The following KHDRBS3 variants were observed in gnomAD, a reference collection of about 807,000 sequenced individuals.
KHDRBS3 encodes the protein KH RNA binding domain containing, signal transduction associated 3, also known as KH domain-containing, RNA-binding, signal transduction-associated protein 3.
In KHDRBS3, 23 loss-of-function variants were observed where a neutral mutation model predicts 45.6. The observed-to-expected ratio is 0.50, with a 90% confidence interval of 0.36 to 0.72. The LOEUF (loss-of-function observed/expected upper bound fraction) is 0.72. Among genes scored for constraint, KHDRBS3 ranks in the 30% least tolerant of loss-of-function variants. The pLI is 0.00. For missense variants in KHDRBS3, 352 were observed against 424.8 expected, an observed-to-expected ratio of 0.83 and a Z score of 1.51; for synonymous variants, 162 against 156.5, an observed-to-expected ratio of 1.04 and a Z score of -0.26.
In KHDRBS3 at chr8:135,645,563, G is replaced by T. The variant is rs1831247637; in HGVS notation, c.949+446G>T. Among the ~76,000 whole-genome samples, 2 of 152,100 alleles carry T rather than the reference G, an allele frequency of 1.3e-5. 1 individual carries two copies. Among genetic ancestry groups the T allele is most frequent in the Admixed American group, 1.3e-4 (2 of 15,274 alleles). ...AACCCTCTGAAAAAAATTACACTGGGAGTCATTTCATAAAGGTTACAAAAG... is the reference window on the plus strand; with the variant it reads ...AACCCTCTGAAAAAAATTACACTGGTAGTCATTTCATAAAGGTTACAAAAG... On this transcript the variant is annotated intron_variant, in intron 8 of 8. Transcript: ENST00000355849.
intron 7 of KHDRBS3, among the ~76,000 whole-genome samples, chr8:135,630,470 G>T (rs1438101230): frequency 4.6e-5 from 2 of 43,640 alleles, no homozygotes; most frequent in Non-Finnish European, 1.0e-4. Context: ...CCCACAATGA[G>T]TTATAAAGTT....
At chr8:135,601,408 C>G (rs371494348) in intron 6 of KHDRBS3, among the ~76,000 whole-genome samples, 9 of 152,262 alleles carry the variant, frequency 5.9e-5, no homozygotes, top group African/African-American at 2.2e-4. Context: ...TCATGGGACT[C>G]AGAAGTTATA....
intron 5 of KHDRBS3, among the ~76,000 whole-genome samples, chr8:135,576,488 G>C (rs553589081): frequency 6.6e-6 from 1 of 152,186 alleles, no homozygotes; most frequent in East Asian, 1.9e-4. Flanking sequence ...GTCTTTTCTT[G>C]CTCAGATTGT....
intron 5 of KHDRBS3, among the ~76,000 whole-genome samples, chr8:135,560,979 A>C (rs1361741058): frequency 6.6e-6 from 1 of 152,198 alleles, no homozygotes; most frequent in African/African-American, 2.4e-5. Context: ...CCTTGGTCCC[A>C]AGTCCTTTAA....
chr8:135,501,140 C>T (rs184251294), intron 1 of KHDRBS3, among the ~76,000 whole-genome samples: 51 of 152,306 alleles, frequency 3.3e-4, no homozygotes, highest in African/African-American at 1.0e-3. Context: ...GTTCCCATCT[C>T]CTCCTGCCTT....
rs1586662139 is a variant in KHDRBS3 at position 135,525,702 on chromosome 8, A to G, written c.207+4347A>G. 2.0e-5 allele frequency among the ~76,000 whole-genome samples: 3 copies of G among 152,222 alleles called. No individual in the cohort carries two copies. The East Asian group carries it at 5.8e-4, about 29-fold the overall frequency. ...ATTTCATAGACAGACTCATTACTCA[A>G]ACAAAACATGACTGGTGGAAACCTT... On this transcript the variant is annotated intron_variant, in intron 2 of 8. Coordinates refer to ENST00000355849, the MANE Select transcript of KHDRBS3 (RefSeq NM_006558.3).
At chr8:135,557,707 C>T (rs1367711878) in intron 5 of KHDRBS3, 120 bp downstream of exon 5, 1 of 759,764 alleles carries the variant, frequency 1.3e-6, no homozygotes, top group African/African-American at 1.8e-5. Flanking sequence ...CATGGTGGCA[C>T]ATGCCTGTAG....
At chr8:135,467,253 G>C (rs1821744673) in intron 1 of KHDRBS3, among the ~76,000 whole-genome samples, 1 of 152,136 alleles carries the variant, frequency 6.6e-6, no homozygotes, top group Admixed American at 6.5e-5. Flanking sequence ...ATATATTTCT[G>C]TTCCTCATAT....
At chr8:135,515,320 C>G (rs1179576672) in intron 1 of KHDRBS3, among the ~76,000 whole-genome samples, 3 of 131,168 alleles carry the variant, frequency 2.3e-5, no homozygotes, top group African/African-American at 8.7e-5. Context: ...GAGCCAAGAT[C>G]ACGCCACTGC....
At chr8:135,644,844 A>G (rs1300865002) in intron 7 of KHDRBS3, among the ~76,000 whole-genome samples, 1 of 151,906 alleles carries the variant, frequency 6.6e-6, no homozygotes, top group Non-Finnish European at 1.5e-5. Flanking sequence ...AAACATATTT[A>G]TTATGTATTA....
intron 5 of KHDRBS3, among the ~76,000 whole-genome samples, chr8:135,569,375 A>T (rs113470227): frequency 5.7e-4 from 87 of 152,290 alleles, no homozygotes; most frequent in African/African-American, 1.9e-3. Flanking sequence ...ATTGGCTGCT[A>T]TAAAATTACT....
chr8:135,514,588 C>A (rs1279409456), intron 1 of KHDRBS3, among the ~76,000 whole-genome samples: 1 of 152,166 alleles, frequency 6.6e-6, no homozygotes, highest in African/African-American at 2.4e-5. Context: ...GTTTAATGTG[C>A]ATAGGGTTTC....
intron 5 of KHDRBS3, among the ~76,000 whole-genome samples, chr8:135,573,831 A>C (rs1029525148): frequency 2.0e-5 from 3 of 152,174 alleles, no homozygotes; most frequent in African/African-American, 7.2e-5. Context: ...CAAGACCAGA[A>C]ACCGTGTCAC....
chr8:135,577,977 T>TA (rs1828025131), intron 5 of KHDRBS3, among the ~76,000 whole-genome samples: 1 of 152,230 alleles, frequency 6.6e-6, no homozygotes, highest in South Asian at 2.1e-4. Context: ...TTGAATTCCC[T>TA]AGTGACAAAT....
intron 1 of KHDRBS3, among the ~76,000 whole-genome samples, chr8:135,487,628 G>GGT (rs779538209): frequency 6.6e-6 from 1 of 152,144 alleles, no homozygotes; most frequent in Non-Finnish European, 1.5e-5. Flanking sequence ...TCACAGGAAT[G>GGT]GTACATTTGA....
At chr8:135,561,538 AG>A (rs1827166790) in intron 5 of KHDRBS3, among the ~76,000 whole-genome samples, 1 of 101,762 alleles carries the variant, frequency 9.8e-6, no homozygotes, top group African/African-American at 3.0e-5. Flanking sequence ...ATAAGTAATA[AG>A]TTTTTTTTTT....
At chr8:135,489,991 T>A (rs373207534) in intron 1 of KHDRBS3, among the ~76,000 whole-genome samples, 8 of 152,168 alleles carry the variant, frequency 5.3e-5, no homozygotes, top group African/African-American at 1.9e-4. Context: ...CTTTTCCTTT[T>A]TGGCTAGATT....
At chr8:135,591,344 C>G (rs888950175) in intron 6 of KHDRBS3, among the ~76,000 whole-genome samples, 2 of 152,248 alleles carry the variant, frequency 1.3e-5, no homozygotes, top group Non-Finnish European at 2.9e-5. Flanking sequence ...TTTTACCAAT[C>G]CTTCTGCAAC....
At chr8:135,581,210 T>C (rs1381817868) in intron 5 of KHDRBS3, among the ~76,000 whole-genome samples, 1 of 152,202 alleles carries the variant, frequency 6.6e-6, no homozygotes, top group African/African-American at 2.4e-5. Context: ...TCTGTCCTTA[T>C]GTTTTCTCAG....
Sources: allele counts gnomAD v4.1 joint callset (sites outside exome capture counted in the v4.1 genomes callset), GRCh38; gene constraint gnomAD v4.1.1; transcripts MANE v1.5; gene names NCBI Gene and HGNC (gene_info 2026-07-23, HGNC 2026-07-21).